WDR70: variants seen among roughly 807,000 people sequenced by gnomAD.
WDR70 encodes WD repeat domain 70, also known as WD repeat-containing protein 70.
A neutral mutation model predicts 88.6 loss-of-function variants in WDR70; 53 were observed. The ratio of observed to expected loss-of-function variants is 0.60; its 90% CI spans 0.48 to 0.75. WDR70 has a LOEUF of 0.75. WDR70 is among the 30% of genes least tolerant of loss of function. WDR70 has a pLI of 0.00. For missense variants in WDR70, 610 were observed against 823.2 expected (o/e 0.74, Z 3.17); for synonymous variants, 280 against 270.0 (o/e 1.04, Z -0.36).
At chr5:37,740,676 G>C (rs761323888) in intron 17 of WDR70, among the ~76,000 whole-genome samples, 1 of 152,186 alleles carries the variant, frequency 6.6e-6, no homozygotes, top group Non-Finnish European at 1.5e-5. Flanking sequence ...GGATGGGCCT[G>C]AGAGTGTAAC....
chr5:37,476,115 T>C (rs1739473248), intron 7 of WDR70, among the ~76,000 whole-genome samples: 1 of 152,046 alleles, frequency 6.6e-6, no homozygotes, highest in Non-Finnish European at 1.5e-5. Context: ...CCTCCCAAAG[T>C]GCTGGGATTA....
intron 9 of WDR70, among the ~76,000 whole-genome samples, chr5:37,533,285 C>T (rs1741553731): frequency 6.6e-6 from 1 of 152,190 alleles, no homozygotes; most frequent in African/African-American, 2.4e-5. Context: ...AGCTGTGGTC[C>T]TATAGCGAGG....
intron 5 of WDR70, among the ~76,000 whole-genome samples, chr5:37,408,945 A>T (rs1749439247): frequency 6.6e-6 from 1 of 151,942 alleles, no homozygotes; most frequent in South Asian, 2.1e-4. Flanking sequence ...TTTCATTTTT[A>T]TTATTATTTT....
chr5:37,426,499 T>G (rs1468615755), intron 5 of WDR70, among the ~76,000 whole-genome samples: 1 of 152,212 alleles, frequency 6.6e-6, no homozygotes, highest in Non-Finnish European at 1.5e-5. Context: ...CTTCTGGTCT[T>G]ACTTTGAATC....
intron 17 of WDR70, among the ~76,000 whole-genome samples, chr5:37,742,263 GTT>G (rs549421990): frequency 1.9e-4 from 24 of 123,666 alleles, no homozygotes; most frequent in African/African-American, 5.8e-4. Context: ...ATTATCTGTT[GTT>G]TTTTTTTTTT....
intron 9 of WDR70, among the ~76,000 whole-genome samples, chr5:37,557,943 C>CTCTTTTGAAAACTCT (rs1742348231): frequency 6.6e-6 from 1 of 151,286 alleles, no homozygotes; most frequent in South Asian, 2.1e-4. Context: ...CTTTTGAATA[C>CTCTTTTGAAAACTCT]TCTTCAAAAG....
intron 10 of WDR70, among the ~76,000 whole-genome samples, chr5:37,667,128 C>CT (rs1215569133): frequency 5.9e-5 from 9 of 152,068 alleles, no homozygotes; most frequent in African/African-American, 1.9e-4. Flanking sequence ...TTATACTAGA[C>CT]TTTTTTGAGA....
chr5:37,464,288 G>A (rs2112113240), intron 7 of WDR70, among the ~76,000 whole-genome samples: 1 of 152,230 alleles, frequency 6.6e-6, no homozygotes, highest in Admixed American at 6.5e-5. Context: ...CTTTGGTTTA[G>A]CGCTCTGAAC....
chr5:37,728,763 T>G (rs532278796), intron 17 of WDR70, among the ~76,000 whole-genome samples: 4 of 152,216 alleles, frequency 2.6e-5, no homozygotes, highest in African/African-American at 7.2e-5. Context: ...TTCTTGGGAG[T>G]GATATTTTAA....
At chr5:37,490,390 G>C (rs1160835035) in intron 8 of WDR70, among the ~76,000 whole-genome samples, 1 of 152,094 alleles carries the variant, frequency 6.6e-6, no homozygotes, top group African/African-American at 2.4e-5. Flanking sequence ...AGGTGGTGGG[G>C]GTGGTGGTGA....
chr5:37,740,717 G>T (rs1748449233), intron 17 of WDR70, among the ~76,000 whole-genome samples: 1 of 152,186 alleles, frequency 6.6e-6, no homozygotes, highest in South Asian at 2.1e-4. Flanking sequence ...CCACTCTTCA[G>T]TAGCATCATA....
At chr5:37,690,526 C>T (rs1581499943) in intron 10 of WDR70, among the ~76,000 whole-genome samples, 1 of 152,206 alleles carries the variant, frequency 6.6e-6, no homozygotes, top group Admixed American at 6.5e-5. Context: ...AGAAACTCTA[C>T]AAGCCAGAAG....
At chr5:37,689,428 C>G (rs2112633267) in intron 10 of WDR70, among the ~76,000 whole-genome samples, 1 of 152,298 alleles carries the variant, frequency 6.6e-6, no homozygotes, top group Admixed American at 6.5e-5. Flanking sequence ...GAGACACCTC[C>G]CAGTAGGGGC....
chr5:37,633,396 C>T (rs776774966), intron 10 of WDR70, among the ~76,000 whole-genome samples: 11 of 151,078 alleles, frequency 7.3e-5, no homozygotes, highest in Non-Finnish European at 1.2e-4. Context: ...ATTTTATTAC[C>T]GAGATAGTGA....
chr5:37,567,557 C>A (rs1235414517), intron 9 of WDR70, among the ~76,000 whole-genome samples: 2 of 152,036 alleles, frequency 1.3e-5, no homozygotes, highest in South Asian at 2.1e-4. Flanking sequence ...CCATGAGCAA[C>A]CCCCCAAAGA....
chr5:37,451,055 C>T (rs1198309833), intron 7 of WDR70, among the ~76,000 whole-genome samples: 1 of 151,562 alleles, frequency 6.6e-6, no homozygotes, highest in African/African-American at 2.4e-5. Context: ...TGTGCCACCA[C>T]GTCTGGCTAA....
intron 9 of WDR70, among the ~76,000 whole-genome samples, chr5:37,548,463 T>G (rs888890276): frequency 1.3e-5 from 2 of 152,194 alleles, no homozygotes; most frequent in African/African-American, 4.8e-5. Context: ...ACTCAGATCT[T>G]TTGCCCATTT....
intron 7 of WDR70, among the ~76,000 whole-genome samples, chr5:37,468,059 C>T (rs1380316320): frequency 6.6e-6 from 1 of 151,968 alleles, no homozygotes; most frequent in African/African-American, 2.4e-5. Context: ...CCATGTTAAC[C>T]AGGATGGTGT....
chr5:37,642,050 G>A (rs1745118012), intron 10 of WDR70, among the ~76,000 whole-genome samples: 1 of 152,166 alleles, frequency 6.6e-6, no homozygotes, highest in African/African-American at 2.4e-5. Context: ...TGCTATAAGT[G>A]TGGTACCTGT....
Sources: gnomAD v4.1 joint callset for allele counts (sites outside exome capture counted in the v4.1 genomes callset) on GRCh38, gnomAD v4.1.1 for gene constraint, MANE v1.5 for transcripts, NCBI Gene and HGNC (gene_info 2026-07-23, HGNC 2026-07-21) for gene names.